SGIP1: variants seen among roughly 807,000 people sequenced by gnomAD.
SGIP1 encodes SH3GL interacting endocytic adaptor 1, also known as SH3-containing GRB2-like protein 3-interacting protein 1.
SGIP1 carries 38 observed loss-of-function variants against 107.5 expected under a neutral mutation model. The ratio of observed to expected loss-of-function variants is 0.35; its 90% confidence interval spans 0.27 to 0.46. The LOEUF (loss-of-function observed/expected upper bound fraction) is 0.46, where lower values mean the gene tolerates loss of function less well. SGIP1 is among the 20% of genes least tolerant of loss of function. The pLI, the probability that SGIP1 is intolerant of heterozygous loss-of-function variation, is 1.00. For synonymous variants in SGIP1, 365 were observed against 366.1 expected (o/e 1.00, Z 0.03); for missense variants, 929 against 1,019.5 (o/e 0.91, Z 1.21).
In SGIP1 at chr1:66,748,252, T is replaced by C. The variant is rs760710045; in HGVS notation, c.*5157T>C. ...TGGAGTGTATGGAAGGAAAATGAGA[T>C]AGGAGTACATTGCTTAAGTCTCTAA... On this transcript the variant is annotated 3_prime_UTR_variant, in exon 25 of 25. Coordinates refer to ENST00000371037, the MANE Select transcript of SGIP1 (RefSeq NM_032291.4). The C allele has an allele frequency of 7.2e-5, 11 of 152,024 alleles. No individual in the cohort carries two copies. Among genetic ancestry groups the C allele is most frequent in the Non-Finnish European group, 1.2e-4 (8 of 67,868 alleles). The allele number at this position is 152,024 out of a possible 1,614,324, so 9.4% of individuals were successfully genotyped here.
intron 1 of SGIP1, among the ~76,000 whole-genome samples, chr1:66,615,141 T>G (rs767407601): frequency 6.6e-6 from 1 of 151,678 alleles, no homozygotes; most frequent in East Asian, 1.9e-4. Flanking sequence ...TGTTTTGTTT[T>G]GTTTTTTTCC....
intron 1 of SGIP1, among the ~76,000 whole-genome samples, chr1:66,595,350 G>A (rs1046507583): frequency 1.3e-5 from 2 of 152,076 alleles, no homozygotes; most frequent in African/African-American, 4.8e-5. Flanking sequence ...TGACCTCCAG[G>A]CAGCCACTAC....
intron 15 of SGIP1, among the ~76,000 whole-genome samples, chr1:66,683,227 C>T (rs140114019): frequency 2.6e-5 from 4 of 152,298 alleles, no homozygotes; most frequent in Non-Finnish European, 4.4e-5. Context: ...TCCACTGTTG[C>T]CCAAATTTGT....
intron 14 of SGIP1, among the ~76,000 whole-genome samples, chr1:66,680,470 T>C (rs1386517224): frequency 6.6e-6 from 1 of 152,220 alleles, no homozygotes; most frequent in African/African-American, 2.4e-5. Flanking sequence ...CGGAATTCTG[T>C]TGCAGCTTCA....
intron 7 of SGIP1, among the ~76,000 whole-genome samples, chr1:66,647,758 C>T (rs2077908069): frequency 6.6e-6 from 1 of 152,152 alleles, no homozygotes; most frequent in South Asian, 2.1e-4. Context: ...ACTCCAGTGT[C>T]CCTCTGTTTA....
At chr1:66,684,315 A>G in intron 15 of SGIP1, 1 of 1,355,074 alleles carries the variant, frequency 7.4e-7, no homozygotes, top group South Asian at 1.4e-5. Context: ...TGTCATCGAC[A>G]AGATCACCAA....
chr1:66,712,336 A>G (rs145914638), intron 18 of SGIP1, among the ~76,000 whole-genome samples: 1 of 152,288 alleles, frequency 6.6e-6, no homozygotes, highest in East Asian at 1.9e-4. Flanking sequence ...TTGATGACAG[A>G]AAGTGCTAAA....
chr1:66,620,867 C>T (rs2070881350), intron 1 of SGIP1, among the ~76,000 whole-genome samples: 2 of 152,344 alleles, frequency 1.3e-5, no homozygotes, highest in South Asian at 4.1e-4. Flanking sequence ...AACAAACCGC[C>T]TTCACAGGCT....
At chr1:66,708,091 G>A (rs771862748) in intron 18 of SGIP1, among the ~76,000 whole-genome samples, 1 of 152,104 alleles carries the variant, frequency 6.6e-6, no homozygotes, top group Non-Finnish European at 1.5e-5. Flanking sequence ...TTAACACAGG[G>A]TAGGGTTTAA....
chr1:66,586,666 C>T (rs903087103), intron 1 of SGIP1, among the ~76,000 whole-genome samples: 5 of 152,070 alleles, frequency 3.3e-5, no homozygotes, highest in Non-Finnish European at 5.9e-5. Flanking sequence ...TTTAGCACCA[C>T]ATCAGAAAGT....
In SGIP1 at chr1:66,743,337, T is replaced by C; in HGVS notation, c.*242T>C. The stretch of plus-strand genomic sequence containing the variant: ...AAAATGTAATTATTGTATTTGTAAA[T>C]TGTACTCTCATTCCAGTAAGGCAGT... On this transcript the variant is annotated 3_prime_UTR_variant, in exon 25 of 25. Transcript: ENST00000371037. 1 of 377,100 alleles carries C rather than the reference T, an allele frequency of 2.7e-6. No individual in the cohort carries two copies. Among genetic ancestry groups the C allele is most frequent in the South Asian group, 3.6e-5 (1 of 27,668 alleles). The allele number at this position is 377,100 out of a possible 1,614,324, so 23.4% of individuals were successfully genotyped here.
chr1:66,677,953 G>C (rs544003774), intron 13 of SGIP1, among the ~76,000 whole-genome samples: 5 of 152,306 alleles, frequency 3.3e-5, no homozygotes, highest in African/African-American at 1.2e-4. Context: ...GTGATCATGA[G>C]AATTAACCGC....
chr1:66,547,193 C>G (rs1449689194), intron 1 of SGIP1, among the ~76,000 whole-genome samples: 2 of 152,072 alleles, frequency 1.3e-5, no homozygotes, highest in African/African-American at 4.8e-5. Context: ...TCCACATATC[C>G]TCAAATTTCC....
chr1:66,717,257 G>T (rs1450203969), intron 18 of SGIP1, among the ~76,000 whole-genome samples: 1 of 152,148 alleles, frequency 6.6e-6, no homozygotes, highest in East Asian at 1.9e-4. Context: ...TCAACAGTTA[G>T]AGAAGCCATT....
chr1:66,673,747 G>A (rs760620071), intron 12 of SGIP1, among the ~76,000 whole-genome samples: 3 of 152,268 alleles, frequency 2.0e-5, no homozygotes, highest in South Asian at 2.1e-4. Flanking sequence ...TGTCGCTGTC[G>A]TTGGGGTGTG....
At chr1:66,548,124 A>T (rs1195832940) in intron 1 of SGIP1, among the ~76,000 whole-genome samples, 1 of 152,034 alleles carries the variant, frequency 6.6e-6, no homozygotes, top group Non-Finnish European at 1.5e-5. Flanking sequence ...GCCACCGGAG[A>T]GGGTGAAGGA....
rs928149735 is a variant in SGIP1, at chr1:66,750,308, G to A, written c.*7213G>A. Among the ~76,000 whole-genome samples, 3 of 152,058 alleles carry A rather than the reference G, an allele frequency of 2.0e-5. No homozygotes were observed. The highest frequency in any genetic ancestry group is 4.4e-5 in the Non-Finnish European group (3 of 67,986). On this transcript the variant is annotated 3_prime_UTR_variant, in exon 25 of 25. Coordinates refer to ENST00000371037, the MANE Select transcript of SGIP1 (RefSeq NM_032291.4). ...AAAGATCATATGAATTAAATACTCG[G>A]ATATTAATTTTCATTCTTACTAAGT...
intron 12 of SGIP1, among the ~76,000 whole-genome samples, chr1:66,674,541 T>G (rs558672866): frequency 6.6e-6 from 1 of 152,186 alleles, no homozygotes; most frequent in Non-Finnish European, 1.5e-5. Context: ...GGAAGCATAG[T>G]GGGTAGACTA....
At chr1:66,624,563 T>C (rs1480587177) in intron 1 of SGIP1, among the ~76,000 whole-genome samples, 1 of 152,202 alleles carries the variant, frequency 6.6e-6, no homozygotes, top group Non-Finnish European at 1.5e-5. Context: ...ATTTGAGTAG[T>C]ATCCTAAGAG....
Sources: allele counts gnomAD v4.1 joint callset (sites outside exome capture counted in the v4.1 genomes callset), GRCh38; gene constraint gnomAD v4.1.1; transcripts MANE v1.5; gene names NCBI Gene and HGNC (gene_info 2026-07-23, HGNC 2026-07-21).